Variants in NMNAT1 observed in about 807,000 individuals in gnomAD.
NMNAT1 encodes the protein nicotinamide/nicotinic acid mononucleotide adenylyltransferase 1.
Under a neutral mutation model 16.7 loss-of-function variants are expected in NMNAT1, and 11 were observed. That is an observed-to-expected ratio of 0.66 (90% CI 0.41 to 1.09). The LOEUF (loss-of-function observed/expected upper bound fraction) is 1.09, where lower values mean the gene tolerates loss of function less well. Ranked by LOEUF, NMNAT1 falls within the 50% of genes least tolerant of loss-of-function variation. The pLI, the probability that NMNAT1 is intolerant of heterozygous loss-of-function variation, is 0.00. For synonymous variants in NMNAT1, 110 were observed against 119.8 expected, an observed-to-expected ratio of 0.92 and a Z score of 0.53; for missense variants, 280 against 332.3, an observed-to-expected ratio of 0.84 and a Z score of 1.22.
At chr1:9,979,957 G>A (rs1641904939) in intron 3 of NMNAT1, among the ~76,000 whole-genome samples, 1 of 151,378 alleles carries the variant, frequency 6.6e-6, no homozygotes, top group East Asian at 2.0e-4. Flanking sequence ...TTGAGGCGGA[G>A]TTTTGCTCTT....
In NMNAT1 at chr1:9,975,781, TA is replaced by T; in HGVS notation, c.299+7del. 1.2e-6 allele frequency: 2 copies of T among 1,604,622 alleles called. No individual in the cohort carries two copies. The highest frequency in any genetic ancestry group is 1.7e-6 in the Non-Finnish European group (2 of 1,175,040). On this transcript the variant is annotated splice_region_variant and intron_variant, in intron 3 of 4. Transcript: ENST00000377205. ...GAGACTCTGAAGGTGCTAAGGTATTTATGGTGTAATCAACTTTGTCAGTTCT... is the reference window on the plus strand; with the variant it reads ...GAGACTCTGAAGGTGCTAAGGTATTTTGGTGTAATCAACTTTGTCAGTTCT...
chr1:9,986,462 T>A (rs1316249613), downstream of NMNAT1, among the ~76,000 whole-genome samples: 1 of 152,156 alleles, frequency 6.6e-6, no homozygotes, highest in Non-Finnish European at 1.5e-5. Flanking sequence ...CCAGGCTTGG[T>A]GGCTCACATC....
chr1:9,989,770 G>A (rs1570722306), downstream of NMNAT1, among the ~76,000 whole-genome samples: 2 of 152,124 alleles, frequency 1.3e-5, no homozygotes, highest in African/African-American at 2.4e-5. Context: ...CCACAAGTGC[G>A]GGTACAAAAG....
In NMNAT1 at chr1:9,969,732, G is replaced by A. The variant is rs1300781858; in HGVS notation, c.-56-2286G>A. Among the ~76,000 whole-genome samples, 3 of 152,036 alleles carry A rather than the reference G, an allele frequency of 2.0e-5. No homozygotes were observed. In the East Asian group the frequency reaches 5.8e-4, roughly 29 times the overall value. On this transcript the variant is annotated intron_variant, in intron 1 of 4. Coordinates refer to ENST00000377205, the MANE Select transcript of NMNAT1 (RefSeq NM_022787.4). ...TGCCACTGCACTCCAGCCTGGGTGAGAGAGGGAGACTCTGTCTCAAAAAAA... is the reference window on the plus strand; with the variant it reads ...TGCCACTGCACTCCAGCCTGGGTGAAAGAGGGAGACTCTGTCTCAAAAAAA...
At chr1:9,990,387 C>T (rs1028944740), downstream of NMNAT1, among the ~76,000 whole-genome samples, 3 of 152,154 alleles carry the variant, frequency 2.0e-5, no homozygotes, top group Non-Finnish European at 4.4e-5. Context: ...TCAGGAGTGA[C>T]TCCTCATGGC....
At chr1:9,994,931 A>G in the NMNAT1 span, among the ~76,000 whole-genome samples, 6 of 151,878 alleles carry the variant, frequency 4.0e-5, no homozygotes, top group Non-Finnish European at 8.8e-5. Flanking sequence ...TATTTTTAGT[A>G]GAGATGGGGT....
At chr1:9,986,481 C>T (rs911455421), downstream of NMNAT1, among the ~76,000 whole-genome samples, 2 of 152,192 alleles carry the variant, frequency 1.3e-5, no homozygotes, top group African/African-American at 2.4e-5. Flanking sequence ...TCTGTAATCC[C>T]AGCACTTTGG....
At chr1:9,959,373 G>A (rs1641347685) in intron 1 of NMNAT1, among the ~76,000 whole-genome samples, 1 of 117,614 alleles carries the variant, frequency 8.5e-6, no homozygotes, top group African/African-American at 3.3e-5. Context: ...CTCCATCTTG[G>A]AAAAAAAAAA....
At chr1:9,967,538 A>T (rs1422103312) in intron 1 of NMNAT1, 2 of 152,168 alleles carry the variant, frequency 1.3e-5, no homozygotes, top group Non-Finnish European at 2.9e-5. Flanking sequence ...TCAGAATAAT[A>T]GCTTCACAAA....
At chr1:9,967,112 T>G (rs1641562806) in intron 1 of NMNAT1, among the ~76,000 whole-genome samples, 2 of 151,964 alleles carry the variant, frequency 1.3e-5, no homozygotes, top group African/African-American at 4.8e-5. Flanking sequence ...TAATCCCAGC[T>G]ACTCAGGAGG....
chr1:9,968,362 G>A (rs11584069), intron 1 of NMNAT1, among the ~76,000 whole-genome samples: 2,624 of 151,340 alleles, frequency 0.017, 77 homozygotes, highest in Admixed American at 0.072. Context: ...GTGAGCCGCC[G>A]CGCCTGGCCT....
At chr1:9,973,706 TCAA>T (rs1156497357) in intron 2 of NMNAT1, among the ~76,000 whole-genome samples, 2 of 30,038 alleles carry the variant, frequency 6.7e-5, no homozygotes, top group African/African-American at 3.8e-4. Flanking sequence ...AGACTCCATC[TCAA>T]AAAAAAAAAA....
At chr1:9,947,726 G>A (rs1295827797) in intron 1 of NMNAT1, 3 of 152,106 alleles carry the variant, frequency 2.0e-5, no homozygotes, top group Non-Finnish European at 4.4e-5. Flanking sequence ...AAATCACATT[G>A]GCTGTATGTT....
In NMNAT1 at chr1:9,975,597, T is replaced by C. The variant is rs749079678; in HGVS notation, c.121T>C (p.Tyr41His). The C allele has an allele frequency of 6.2e-7, 1 of 1,610,202 alleles. No homozygotes were observed. Among genetic ancestry groups the C allele is most frequent in the Non-Finnish European group, 8.5e-7 (1 of 1,178,512 alleles). ...AKDYMNGTGRYTVVKGIISPV... is the reference protein window; with the variant it reads ...AKDYMNGTGRHTVVKGIISPV... ...AAACCTAACTTTTTATCTAGGAAGG[T>C]ACACAGTTGTCAAAGGCATCATCTC... Residue 41 changes from tyrosine (Y) to histidine (H), a missense_variant, in exon 3 of 5, where the codon TAC becomes CAC. Physicochemically the swap from Tyr to His is moderately conservative, Grantham distance 83. Coordinates refer to ENST00000377205, the MANE Select transcript of NMNAT1 (RefSeq NM_022787.4).
chr1:9,975,569 G>T (rs1641788022), intron 2 of NMNAT1, 23 bp from the exon 3 acceptor site: 6 of 1,573,882 alleles, frequency 3.8e-6, no homozygotes, highest in Admixed American at 1.9e-5. Context: ...TATACCTAGT[G>T]TGAAACCTAA....
chr1:9,987,640 AAAAT>A (rs988966702), downstream of NMNAT1, among the ~76,000 whole-genome samples: 4 of 151,964 alleles, frequency 2.6e-5, no homozygotes, highest in African/African-American at 9.7e-5. Context: ...ACTCCGTCTC[AAAAT>A]AAATAAATAA....
At chr1:9,995,207 C>T in the NMNAT1 span, among the ~76,000 whole-genome samples, 14 of 152,008 alleles carry the variant, frequency 9.2e-5, no homozygotes, top group East Asian at 2.1e-3. Context: ...GACCAACCGC[C>T]GGCAACACAG....
intron 1 of NMNAT1, among the ~76,000 whole-genome samples, chr1:9,962,947 C>G (rs1207974097): frequency 6.6e-6 from 1 of 152,120 alleles, no homozygotes; most frequent in Non-Finnish European, 1.5e-5. Flanking sequence ...TCCCAAAGTG[C>G]TGGGATTACA....
rs748913297 is a variant in NMNAT1, at chr1:9,982,403, A to G, written c.542A>G (p.Tyr181Cys). The G allele has an allele frequency of 9.9e-6, 16 of 1,614,014 alleles. No individual in the cohort carries two copies. Among genetic ancestry groups the G allele is most frequent in the South Asian group, 6.6e-5 (6 of 91,086 alleles). Residue 181 changes from tyrosine to cysteine, a missense_variant, in exon 5 of 5, where the codon TAT becomes TGT. Physicochemically the swap from Tyr to Cys is radical, Grantham distance 194. Coordinates refer to ENST00000377205, the MANE Select transcript of NMNAT1 (RefSeq NM_022787.4). The stretch of plus-strand genomic sequence containing the variant: ...GACATCACCCAAATCGTGGCCAACT[A>G]TGGGCTCATATGTGTTACTCGGGCT... ...SEDITQIVANYGLICVTRAGN... is the reference protein window; with the variant it reads ...SEDITQIVANCGLICVTRAGN...
Sources: gnomAD v4.1 joint callset for allele counts (sites outside exome capture counted in the v4.1 genomes callset) on GRCh38, gnomAD v4.1.1 for gene constraint, MANE v1.5 for transcripts, NCBI Gene and HGNC (gene_info 2026-07-23, HGNC 2026-07-21) for gene names.